The following CSMD1 variants were observed in gnomAD, a reference collection of about 807,000 sequenced individuals.
The protein encoded by CSMD1 is CUB and sushi domain-containing protein 1.
CSMD1 carries 213 observed loss-of-function variants against 417.5 expected under a neutral mutation model. The observed-to-expected ratio is 0.51, with a 90% CI of 0.46 to 0.57. The LOEUF (loss-of-function observed/expected upper bound fraction) is 0.57, where lower values mean the gene tolerates loss of function less well. CSMD1 is among the 20% of genes least tolerant of loss of function. CSMD1 has a pLI of 0.00. For synonymous variants in CSMD1, 2,862 were observed against 1,736.8 expected, an observed-to-expected ratio of 1.65 and a Z score of -16.11; for missense variants, 6,923 against 4,529.7, an observed-to-expected ratio of 1.53 and a Z score of -15.17.
chr8:4,685,585 A>AAAAGAAAG (rs375278505), intron 1 of CSMD1, among the ~76,000 whole-genome samples: 259 of 152,084 alleles, frequency 1.7e-3, no homozygotes, highest in African/African-American at 6.0e-3. Flanking sequence ...TTAAAAGAAA[A>AAAAGAAAG]AAAGAAAGAA....
At chr8:4,071,626 T>G (rs542635085) in intron 3 of CSMD1, among the ~76,000 whole-genome samples, 2 of 152,210 alleles carry the variant, frequency 1.3e-5, no homozygotes, top group Non-Finnish European at 2.9e-5. Context: ...TTTTAATTCT[T>G]TATTTTAAAC....
intron 47 of CSMD1, among the ~76,000 whole-genome samples, chr8:3,092,719 C>T (rs554935081): frequency 2.0e-5 from 3 of 152,338 alleles, no homozygotes; most frequent in East Asian, 3.9e-4. Flanking sequence ...CCCGGCATTG[C>T]CCTCATCACC....
At chr8:4,908,274 C>A (rs74444075) in intron 1 of CSMD1, among the ~76,000 whole-genome samples, 10,025 of 152,202 alleles carry the variant, frequency 0.066, 418 homozygotes, top group African/African-American at 0.081. Flanking sequence ...TTCCTGAATT[C>A]TTTCAAGGTT....
intron 3 of CSMD1, among the ~76,000 whole-genome samples, chr8:4,229,843 T>G (rs756798970): frequency 5.9e-5 from 9 of 152,184 alleles, no homozygotes; most frequent in Admixed American, 6.5e-5. Flanking sequence ...GGCCGGGATT[T>G]TATCGCTTTG....
intron 7 of CSMD1, among the ~76,000 whole-genome samples, chr8:3,693,613 G>C (rs769594400): frequency 2.0e-5 from 3 of 152,060 alleles, no homozygotes; most frequent in Admixed American, 6.6e-5. Flanking sequence ...TTCCATGAGA[G>C]AGACAATAAA....
chr8:4,709,680 T>G (rs1808169735), intron 1 of CSMD1, among the ~76,000 whole-genome samples: 2 of 152,128 alleles, frequency 1.3e-5, no homozygotes, highest in Non-Finnish European at 2.9e-5. Context: ...TTTAACCTAC[T>G]CTGAAGGTTT....
At chr8:4,725,796 C>G (rs773659657) in intron 1 of CSMD1, among the ~76,000 whole-genome samples, 2 of 152,084 alleles carry the variant, frequency 1.3e-5, no homozygotes, top group African/African-American at 2.4e-5. Context: ...GCGTTTGAGC[C>G]TAGCTGCTCG....
intron 23 of CSMD1, among the ~76,000 whole-genome samples, chr8:3,323,530 A>G (rs1288137216): frequency 6.6e-6 from 1 of 151,976 alleles, no homozygotes; most frequent in African/African-American, 2.4e-5. Flanking sequence ...AAACTTGCCT[A>G]AAACCATCAA....
At chr8:3,622,364 G>C (rs1056287625) in intron 7 of CSMD1, among the ~76,000 whole-genome samples, 2 of 152,290 alleles carry the variant, frequency 1.3e-5, no homozygotes, top group East Asian at 1.9e-4. Context: ...TAGCTTGGTA[G>C]TTAATGCACT....
intron 1 of CSMD1, among the ~76,000 whole-genome samples, chr8:4,717,505 T>C (rs1177849146): frequency 6.6e-6 from 1 of 151,680 alleles, no homozygotes. Flanking sequence ...TATCTACCTA[T>C]GACAAGATTC....
At chr8:3,871,236 T>C (rs149787293) in intron 5 of CSMD1, among the ~76,000 whole-genome samples, 11 of 152,236 alleles carry the variant, frequency 7.2e-5, no homozygotes, top group Non-Finnish European at 1.5e-4. Flanking sequence ...AATTAGAGAA[T>C]ACATATTTTA....
intron 7 of CSMD1, among the ~76,000 whole-genome samples, chr8:3,646,207 T>C (rs142279497): frequency 6.6e-6 from 1 of 152,140 alleles, no homozygotes; most frequent in East Asian, 1.9e-4. Context: ...TTTATCATAT[T>C]TGAATAAAAA....
At chr8:2,980,763 C>A (rs1014652114) in intron 54 of CSMD1, among the ~76,000 whole-genome samples, 1 of 152,120 alleles carries the variant, frequency 6.6e-6, no homozygotes, top group African/African-American at 2.4e-5. Flanking sequence ...GACAATAAAC[C>A]CCTCATTCTT....
At chr8:4,912,444 T>G (rs561023807) in intron 1 of CSMD1, among the ~76,000 whole-genome samples, 104 of 152,080 alleles carry the variant, frequency 6.8e-4, no homozygotes, top group African/African-American at 2.4e-3. Flanking sequence ...GGACAAGGAT[T>G]GAAGGTGAAA....
intron 3 of CSMD1, among the ~76,000 whole-genome samples, chr8:4,037,558 G>A (rs188154902): frequency 6.1e-4 from 93 of 152,200 alleles, no homozygotes; most frequent in African/African-American, 2.2e-3. Context: ...CATAGCCTTT[G>A]CAAGGTGCCG....
Position 4,787,748 on chromosome 8 carries a change from T to C in CSMD1, c.86-150190A>G, listed in dbSNP as rs917297288. 2.9e-5 allele frequency: 46 copies of C among 1,588,640 alleles called. No individual in the cohort carries two copies. In the East Asian group the frequency reaches 3.1e-4, roughly 11 times the overall value. ...CCACAGTGGTCTGAGGAACAGCTGA[T>C]TGCTGCAAAATTTTGCTTCGCTGGA... is the stretch of plus-strand genomic sequence containing the variant. On this transcript the variant is annotated intron_variant, in intron 1 of 69. Transcript: ENST00000635120.
At position 4,693,725 on chromosome 8, in the gene CSMD1, A is replaced by G. The variant is rs73659189; in HGVS notation, c.86-56167T>C. Among the ~76,000 whole-genome samples, 399 of 49,502 alleles carry G rather than the reference A, an allele frequency of 8.1e-3. 3 individuals are homozygous for G. Among genetic ancestry groups the G allele is most frequent in the African/African-American group, 0.045 (384 of 8,606 alleles). 32.5% of individuals were successfully genotyped at this position (49,502 alleles called of 152,430 possible). A position where few individuals can be genotyped will look rare whatever the true frequency, so the allele number is the denominator to read the frequency against. The stretch of plus-strand genomic sequence containing the variant: ...ACGCTTCCCAGGCTGGAGTACACTG[A>G]CTATTCATAGATGTGATCATAGCTC... On this transcript the variant is annotated intron_variant, in intron 1 of 69. Transcript: ENST00000635120.
intron 12 of CSMD1, among the ~76,000 whole-genome samples, chr8:3,444,354 T>C (rs1429681340): frequency 6.6e-6 from 1 of 152,186 alleles, no homozygotes; most frequent in Non-Finnish European, 1.5e-5. Context: ...AGCACAATTT[T>C]AGCATCAACA....
chr8:3,300,021 G>A (rs1236348216), intron 25 of CSMD1, among the ~76,000 whole-genome samples: 7 of 152,046 alleles, frequency 4.6e-5, no homozygotes, highest in Admixed American at 4.6e-4. Context: ...CGGGGAGGAT[G>A]GTAGCATTAC....
Sources: allele counts gnomAD v4.1 joint callset (sites outside exome capture counted in the v4.1 genomes callset), GRCh38; gene constraint gnomAD v4.1.1; transcripts MANE v1.5; gene names NCBI Gene and HGNC (gene_info 2026-07-23, HGNC 2026-07-21).